The following LAMC3 variants were observed in gnomAD, a reference collection of about 807,000 sequenced individuals.
LAMC3 encodes laminin subunit gamma-3.
LAMC3 carries 128 observed loss-of-function variants against 173.8 expected under a neutral mutation model. That is an observed-to-expected ratio of 0.74 (90% CI 0.64 to 0.85). The LOEUF (loss-of-function observed/expected upper bound fraction) is 0.85. Among genes scored for constraint, LAMC3 ranks in the 40% least tolerant of loss-of-function variants. The pLI, the probability that LAMC3 is intolerant of heterozygous loss-of-function variation, is 0.00. For synonymous variants in LAMC3, 897 were observed against 909.1 expected (o/e 0.99, Z 0.24); for missense variants, 2,022 against 2,156.0 (o/e 0.94, Z 1.23).
Position 131,087,541 on chromosome 9 carries a change from G to T in LAMC3, c.4296G>T (p.Gln1432His), listed in dbSNP as rs985281368. The change falls in exon 26 of 28, where the codon CAG becomes CAT. Residue 1432 changes from glutamine to histidine, a missense_variant. Gln to His is a conservative substitution (Grantham distance 24). Transcript: ENST00000361069. ...GCCGTGCCAGCAGGCTCACCAGCCA[G>T]ACGCAAGCCACGCTCCAACAGGCGT... is the stretch of plus-strand genomic sequence containing the variant. ...AHRRASRLTSQTQATLQQASQ... is the reference protein window; with the variant it reads ...AHRRASRLTSHTQATLQQASQ... The T allele has an allele frequency of 6.2e-7, 1 of 1,613,854 alleles. No individual in the cohort carries two copies.
At chr9:131,062,576 T>C (rs770565644) in intron 13 of LAMC3, among the ~76,000 whole-genome samples, 10 of 151,770 alleles carry the variant, frequency 6.6e-5, no homozygotes, top group Admixed American at 2.0e-4. Flanking sequence ...ACCCATCAAA[T>C]GTGTTGTTGA....
chr9:131,066,051 C>T (rs988465536), intron 13 of LAMC3, among the ~76,000 whole-genome samples: 3 of 152,100 alleles, frequency 2.0e-5, no homozygotes, highest in Admixed American at 2.0e-4. Context: ...ATAAATTAGC[C>T]AGGCATGGTG....
At chr9:131,016,233 G>T (rs1833517801) in intron 1 of LAMC3, among the ~76,000 whole-genome samples, 1 of 152,196 alleles carries the variant, frequency 6.6e-6, no homozygotes. Flanking sequence ...TAGAATGCTG[G>T]TTGCCAGGGG....
chr9:131,030,409 T>A (rs554221009), intron 2 of LAMC3, among the ~76,000 whole-genome samples: 56 of 152,290 alleles, frequency 3.7e-4, no homozygotes, highest in Non-Finnish European at 6.0e-4. Context: ...GTGGGAGACC[T>A]TGGGCAGGTC....
intron 4 of LAMC3, among the ~76,000 whole-genome samples, chr9:131,038,020 G>A (rs1223389290): frequency 6.6e-6 from 1 of 152,018 alleles, no homozygotes; most frequent in Admixed American, 6.5e-5. Context: ...CCAGCCTCAT[G>A]GCACACCCGC....
intron 17 of LAMC3, among the ~76,000 whole-genome samples, chr9:131,070,950 T>C (rs893384435): frequency 2.0e-5 from 3 of 152,156 alleles, no homozygotes; most frequent in African/African-American, 7.2e-5. Context: ...GACTTGGGAA[T>C]GGAGGACAGG....
At chr9:131,033,661 G>A (rs1310432576) in intron 3 of LAMC3, among the ~76,000 whole-genome samples, 2 of 152,272 alleles carry the variant, frequency 1.3e-5, no homozygotes, top group Non-Finnish European at 1.5e-5. Flanking sequence ...ACAGCCAAGT[G>A]GGGCAGATAG....
chr9:131,074,720 G>A (rs933400053), intron 20 of LAMC3, among the ~76,000 whole-genome samples: 8 of 148,002 alleles, frequency 5.4e-5, no homozygotes, highest in Admixed American at 2.0e-4. Context: ...AAAAAAAGAC[G>A]CAGCTTAAGA....
Position 131,091,537 on chromosome 9 carries a change from G to A in LAMC3, c.4478G>A (p.Gly1493Glu). 6.3e-7 allele frequency: 1 copy of A among 1,578,296 alleles called. No individual in the cohort carries two copies. Among genetic ancestry groups the A allele is most frequent in the Non-Finnish European group, 8.6e-7 (1 of 1,163,016 alleles). The part of the protein sequence containing the change: ...ETLSELLARL[G>E]SLDTHQAPAQ... ...TGAGGCTGTTTGTGCCCCACCACAG[G>A]GTCGCTGGACACCCATCAAGCCCCA... Residue 1493 changes from glycine to glutamate, a missense_variant and splice_region_variant, in exon 28 of 28, where the codon GGG (glycine) becomes GAG (glutamate). Transcript: ENST00000361069.
In LAMC3 at chr9:131,076,083, G is replaced by T; in HGVS notation, c.3629+118G>T. The stretch of plus-strand genomic sequence containing the variant: ...CCCTTGAGTCCTGACGTTCTTTGTC[G>T]TTGGTGTCTTGGGTCTGCATCCTCC... On this transcript the variant is annotated intron_variant, in intron 21 of 27. Coordinates refer to ENST00000361069, the MANE Select transcript of LAMC3 (RefSeq NM_006059.4). 4 of 1,082,826 alleles carry T rather than the reference G, an allele frequency of 3.7e-6. No individual in the cohort carries two copies. In the Admixed American group the frequency reaches 1.1e-4, roughly 29 times the overall value. The allele number at this position is 1,082,826 out of a possible 1,614,324, so 67.1% of individuals were successfully genotyped here.
chr9:131,045,702 C>T (rs1178260908), intron 8 of LAMC3, 42 bp downstream of exon 8: 1 of 1,610,308 alleles, frequency 6.2e-7, no homozygotes, highest in East Asian at 2.2e-5. Context: ...GGGTCTGCTC[C>T]CAGCCTAGGC....
chr9:131,037,397 T>C (rs1833966595), intron 4 of LAMC3, among the ~76,000 whole-genome samples: 1 of 152,156 alleles, frequency 6.6e-6, no homozygotes, highest in Admixed American at 6.5e-5. Flanking sequence ...TCTGTCTAAC[T>C]TCTGTCCATT....
Position 131,085,815 on chromosome 9 carries a change from T to C in LAMC3, c.4230+92T>C, listed in dbSNP as rs938896699. 1.2e-5 allele frequency: 14 copies of C among 1,212,082 alleles called. No individual in the cohort carries two copies. The Admixed American group carries it at 2.5e-4, about 22-fold the overall frequency. The allele number at this position is 1,212,082 out of a possible 1,614,324, so 75.1% of individuals were successfully genotyped here. ...CCTTCCCGACATCCGTGCTGACTAC[T>C]CCGCACTCACTCACTGCTCAGTGGG... On this transcript the variant is annotated intron_variant, in intron 25 of 27. Transcript: ENST00000361069.
intron 4 of LAMC3, 77 bp from the exon 5 acceptor site, chr9:131,038,787 G>A: frequency 1.4e-6 from 2 of 1,453,604 alleles, no homozygotes; most frequent in South Asian, 1.1e-5. Context: ...TTTAGCACAG[G>A]GAGGCTGACT....
chr9:131,068,994 AG>A lies in LAMC3; in HGVS notation c.2836del (p.Ala946ProfsTer75). On this transcript the variant is annotated frameshift_variant, in exon 16 of 28. Transcript: ENST00000361069. LOFTEE classifies it high-confidence loss of function. ...ACCTGCCGCCCAGGTGTCACAGGCCAGGCCTGTGACAGGTGCCAGCTGGGTT... is the reference window on the plus strand; with the variant it reads ...ACCTGCCGCCCAGGTGTCACAGGCCAGCCTGTGACAGGTGCCAGCTGGGTT... Reference protein sequence around the residue: ...QCTCRPGVTGQACDRCQLGFF... With the variant: ...QCTCRPGVTGXACDRCQLGFF... 6.2e-7 allele frequency: 1 copy of A among 1,613,574 alleles called. No individual in the cohort carries two copies. The highest frequency in any genetic ancestry group is 1.1e-5 in the South Asian group (1 of 91,064).
At chr9:131,021,603 G>C (rs533270491) in intron 1 of LAMC3, among the ~76,000 whole-genome samples, 1 of 152,120 alleles carries the variant, frequency 6.6e-6, no homozygotes, top group African/African-American at 2.4e-5. Flanking sequence ...AACAAGCAGC[G>C]GTACCAGCTG....
chr9:131,066,771 T>C (rs927179055), intron 13 of LAMC3, among the ~76,000 whole-genome samples, 189 bp from the exon 14 acceptor site: 38 of 152,136 alleles, frequency 2.5e-4, no homozygotes, highest in Non-Finnish European at 1.9e-4. Flanking sequence ...CCTGAGCTCC[T>C]AGAGGCGCAG....
chr9:131,067,320 T>C, intron 14 of LAMC3, 115 bp downstream of exon 14: 2 of 1,314,936 alleles, frequency 1.5e-6, no homozygotes, highest in Non-Finnish European at 2.2e-6. Flanking sequence ...CTGGCTCCTC[T>C]GCAAGGCTGT....
chr9:131,027,364 A>G (rs1388821895), intron 2 of LAMC3, among the ~76,000 whole-genome samples: 1 of 152,208 alleles, frequency 6.6e-6, no homozygotes, highest in African/African-American at 2.4e-5. Flanking sequence ...CCTCCTGTGA[A>G]TTAGTAACAG....
Sources: allele counts gnomAD v4.1 joint callset (sites outside exome capture counted in the v4.1 genomes callset), GRCh38; gene constraint gnomAD v4.1.1; transcripts MANE v1.5; gene names NCBI Gene and HGNC (gene_info 2026-07-23, HGNC 2026-07-21).